Variants in RIMS1 observed in about 807,000 individuals in gnomAD.
RIMS1 encodes the protein regulating synaptic membrane exocytosis protein 1.
Under a neutral mutation model 214.1 loss-of-function variants are expected in RIMS1, and 83 were observed. The ratio of observed to expected loss-of-function variants is 0.39; its 90% CI spans 0.32 to 0.47. The LOEUF (loss-of-function observed/expected upper bound fraction) is 0.47, where lower values mean the gene tolerates loss of function less well. RIMS1 is among the 20% of genes least tolerant of loss of function. RIMS1 has a pLI of 0.99. For missense variants in RIMS1, 2,050 were observed against 2,161.8 expected, an observed-to-expected ratio of 0.95 and a Z score of 1.03; for synonymous variants, 793 against 786.8, an observed-to-expected ratio of 1.01 and a Z score of -0.13.
chr6:72,265,140 A>C (rs2079882662), intron 20 of RIMS1, 88 bp downstream of exon 20: 2 of 723,098 alleles, frequency 2.8e-6, no homozygotes, highest in Non-Finnish European at 4.5e-6. Context: ...CATTCTAATA[A>C]AATATTAAAT....
At chr6:72,196,246 T>C (rs2050845585) in intron 6 of RIMS1, among the ~76,000 whole-genome samples, 1 of 152,164 alleles carries the variant, frequency 6.6e-6, no homozygotes, top group Non-Finnish European at 1.5e-5. Context: ...ATTCATGTAA[T>C]AATTTATTTA....
chr6:72,065,454 T>C (rs1421248651), intron 2 of RIMS1, among the ~76,000 whole-genome samples: 1 of 152,228 alleles, frequency 6.6e-6, no homozygotes, highest in African/African-American at 2.4e-5. Context: ...TTTAAAATTA[T>C]TAATGTTGTT....
chr6:72,099,635 T>G (rs1486605049), intron 3 of RIMS1, among the ~76,000 whole-genome samples: 1 of 152,138 alleles, frequency 6.6e-6, no homozygotes, highest in Non-Finnish European at 1.5e-5. Context: ...TTTTCAATAA[T>G]AGGTAGACTA....
At chr6:72,082,305 C>CT (rs1280415471) in intron 2 of RIMS1, among the ~76,000 whole-genome samples, 1 of 152,160 alleles carries the variant, frequency 6.6e-6, no homozygotes. Flanking sequence ...ACTGTTTCCT[C>CT]TATACATTAT....
chr6:71,919,299 TGTG>T (rs1779311162), intron 1 of RIMS1, among the ~76,000 whole-genome samples: 1 of 151,928 alleles, frequency 6.6e-6, no homozygotes, highest in Non-Finnish European at 1.5e-5. Flanking sequence ...ACTGATTAGA[TGTG>T]GTATTGAGGA....
In RIMS1 at chr6:72,221,849, C is replaced by T. The variant is rs72939737; in HGVS notation, c.1679-11924C>T. On this transcript the variant is annotated intron_variant, in intron 6 of 33. Transcript: ENST00000521978. ...TCTATATTTCTCCAGCTCAATCCTG[C>T]TGTGATCAATAAGATATTTTAGCTA... Among the ~76,000 whole-genome samples the T allele has an allele frequency of 3.7e-3, 559 of 151,944 alleles. 1 individual carries two copies. The highest frequency in any genetic ancestry group is 6.6e-3 in the Non-Finnish European group (446 of 67,846).
intron 1 of RIMS1, among the ~76,000 whole-genome samples, chr6:71,936,326 CAAAAAAAAAAAAAA>C (rs4034728): frequency 4.4e-5 from 3 of 68,690 alleles, no homozygotes; most frequent in South Asian, 7.4e-4. Flanking sequence ...GACTCCGTCT[CAAAAAAAAAAAAAA>C]AAAAAAAAAA....
intron 29 of RIMS1, among the ~76,000 whole-genome samples, chr6:72,355,886 T>C (rs2097619191): frequency 1.3e-5 from 2 of 152,210 alleles, no homozygotes; most frequent in South Asian, 4.1e-4. Flanking sequence ...AATACACTTT[T>C]GACGTTTCTG....
chr6:72,392,453 A>G (rs563107729), intron 30 of RIMS1, among the ~76,000 whole-genome samples: 10 of 152,312 alleles, frequency 6.6e-5, no homozygotes, highest in African/African-American at 2.4e-4. Context: ...TGGTATATTA[A>G]AAACTATAAC....
intron 9 of RIMS1, among the ~76,000 whole-genome samples, chr6:72,240,411 T>C (rs1246520322): frequency 6.6e-6 from 1 of 151,506 alleles, no homozygotes; most frequent in African/African-American, 2.4e-5. Flanking sequence ...TAGAACATAA[T>C]AGAATAGAAA....
At chr6:72,161,694 G>T (rs550149873) in intron 4 of RIMS1, among the ~76,000 whole-genome samples, 1 of 140,176 alleles carries the variant, frequency 7.1e-6, no homozygotes, top group Non-Finnish European at 1.6e-5. Context: ...GTAGGTGAGC[G>T]GTTTTGAGTG....
chr6:72,168,957 G>T (rs928129995), intron 4 of RIMS1, among the ~76,000 whole-genome samples: 13 of 151,938 alleles, frequency 8.6e-5, no homozygotes, highest in African/African-American at 3.1e-4. Flanking sequence ...TGCAGATGGT[G>T]TTACTGTTAA....
At chr6:72,029,269 A>G (rs1203648976) in intron 2 of RIMS1, among the ~76,000 whole-genome samples, 1 of 152,230 alleles carries the variant, frequency 6.6e-6, no homozygotes, top group Non-Finnish European at 1.5e-5. Context: ...TGTGATTTTT[A>G]TAAGTTAGAT....
intron 26 of RIMS1, among the ~76,000 whole-genome samples, chr6:72,299,070 C>G (rs1011640451): frequency 6.6e-6 from 1 of 151,878 alleles, no homozygotes; most frequent in African/African-American, 2.4e-5. Flanking sequence ...TTTTCCCTCT[C>G]TGCTACATTT....
chr6:72,210,826 AT>A (rs1336610693), intron 6 of RIMS1, among the ~76,000 whole-genome samples: 21 of 152,148 alleles, frequency 1.4e-4, no homozygotes, highest in Non-Finnish European at 2.4e-4. Context: ...TGTTCTATGT[AT>A]TTTTTCTTTT....
chr6:71,977,198 A>G (rs780677419), intron 2 of RIMS1, among the ~76,000 whole-genome samples: 7 of 152,100 alleles, frequency 4.6e-5, no homozygotes, highest in Admixed American at 2.0e-4. Context: ...AAACTGGCCC[A>G]CCTTTCTCTG....
In RIMS1 at chr6:72,177,409, G is replaced by A. The variant is rs557096168; in HGVS notation, c.472-2166G>A. Among the ~76,000 whole-genome samples, 3 of 152,084 alleles carry A rather than the reference G, an allele frequency of 2.0e-5. No individual in the cohort carries two copies. In the East Asian group the frequency reaches 5.8e-4, roughly 29 times the overall value. On this transcript the variant is annotated intron_variant, in intron 4 of 33. Transcript: ENST00000521978. ...TGGGATTATAGGCATGCACCACCAT[G>A]CCCGGCTAAGTTTTGTATTTTTAGT... is the stretch of plus-strand genomic sequence containing the variant.
In RIMS1 at chr6:72,259,101, G is replaced by C; in HGVS notation, c.3043G>C (p.Glu1015Gln). Residue 1015 changes from glutamate (E) to glutamine (Q), a missense_variant, in exon 18 of 34, where the codon GAA (glutamate) becomes CAA (glutamine). Physicochemically the swap from Glu to Gln is conservative, Grantham distance 29 (BLOSUM62 2). Coordinates refer to ENST00000521978, the MANE Select transcript of RIMS1 (RefSeq NM_014989.7). ...AGATGTGGATAGTCAGTATTTATCAGAACAAGACAGGTATTTGTCAAAATT... is the reference window on the plus strand; with the variant it reads ...AGATGTGGATAGTCAGTATTTATCACAACAAGACAGGTATTTGTCAAAATT... ...TRDVDSQYLS[E>Q]QDSELLMLPR... The C allele has an allele frequency of 1.2e-6, 2 of 1,611,880 alleles. No homozygotes were observed. Among genetic ancestry groups the C allele is most frequent in the African/African-American group, 2.7e-5 (2 of 74,934 alleles).
chr6:71,996,698 A>G (rs1349293912), intron 2 of RIMS1, among the ~76,000 whole-genome samples: 1 of 152,184 alleles, frequency 6.6e-6, no homozygotes, highest in East Asian at 1.9e-4. Context: ...CTGTGAAGGT[A>G]CACACCAGGG....
Sources: gnomAD v4.1 joint callset for allele counts (sites outside exome capture counted in the v4.1 genomes callset) on GRCh38, gnomAD v4.1.1 for gene constraint, MANE v1.5 for transcripts, NCBI Gene and HGNC (gene_info 2026-07-23, HGNC 2026-07-21) for gene names.